Variants in ZNF407 observed in about 807,000 individuals in gnomAD.
The protein encoded by ZNF407 is zinc finger protein 407.
A neutral mutation model predicts 131.2 loss-of-function variants in ZNF407; 17 were observed. The observed-to-expected ratio is 0.13, with a 90% CI of 0.09 to 0.19. ZNF407 has a LOEUF of 0.19. ZNF407 is among the 10% of genes least tolerant of loss of function. The pLI, the probability that ZNF407 is intolerant of heterozygous loss-of-function variation, is 1.00. For missense variants in ZNF407, 2,681 were observed against 2,830.6 expected (o/e 0.95, Z 1.20); for synonymous variants, 1,156 against 1,062.0 (o/e 1.09, Z -1.72).
At chr18:75,038,415 C>T (rs1216550664) in intron 8 of ZNF407, among the ~76,000 whole-genome samples, 3 of 152,192 alleles carry the variant, frequency 2.0e-5, no homozygotes, top group African/African-American at 7.2e-5. Context: ...CTACCTTGTA[C>T]TCCTTTGTTT....
At chr18:75,031,448 T>G (rs562256776) in intron 8 of ZNF407, among the ~76,000 whole-genome samples, 1 of 152,294 alleles carries the variant, frequency 6.6e-6, no homozygotes, top group East Asian at 1.9e-4. Flanking sequence ...TTGATAGTCT[T>G]TAGAGTGTGA....
intron 3 of ZNF407, among the ~76,000 whole-genome samples, chr18:74,666,508 C>T (rs577541816): frequency 6.6e-6 from 1 of 152,184 alleles, no homozygotes; most frequent in Non-Finnish European, 1.5e-5. Flanking sequence ...CTGTATCCTC[C>T]CGCTCTGCTT....
At chr18:74,838,504 A>G (rs747056390) in intron 4 of ZNF407, among the ~76,000 whole-genome samples, 2 of 151,860 alleles carry the variant, frequency 1.3e-5, no homozygotes, top group Non-Finnish European at 2.9e-5. Context: ...CTCTTTTCAT[A>G]TCTACATTCT....
At chr18:74,835,424 G>T (rs1404957899) in intron 4 of ZNF407, among the ~76,000 whole-genome samples, 1 of 152,124 alleles carries the variant, frequency 6.6e-6, no homozygotes, top group East Asian at 1.9e-4. Context: ...CGCCTCTGAG[G>T]GTGTGCAGTT....
chr18:74,783,898 C>T (rs1599150533), intron 4 of ZNF407, among the ~76,000 whole-genome samples: 2 of 152,220 alleles, frequency 1.3e-5, no homozygotes, highest in African/African-American at 4.8e-5. Flanking sequence ...TTATATGGCA[C>T]TCTCTCCTGT....
At chr18:74,881,165 C>T in intron 6 of ZNF407, 46 bp downstream of exon 6, 1 of 1,478,172 alleles carries the variant, frequency 6.8e-7, no homozygotes, top group Non-Finnish European at 9.2e-7. Context: ...GAGAGGACGG[C>T]AAGACACCCC....
intron 4 of ZNF407, among the ~76,000 whole-genome samples, chr18:74,813,136 A>C (rs549039973): frequency 1.8e-3 from 269 of 152,298 alleles, no homozygotes; most frequent in African/African-American, 6.3e-3. Flanking sequence ...TAGGCAGAAA[A>C]GGGAGGAGTG....
intron 8 of ZNF407, among the ~76,000 whole-genome samples, chr18:75,028,913 A>G (rs923644350): frequency 6.6e-6 from 1 of 152,194 alleles, no homozygotes. Flanking sequence ...CATCTCTTAC[A>G]TTAGACTTCA....
intron 3 of ZNF407, among the ~76,000 whole-genome samples, chr18:74,651,280 A>G (rs1985215105): frequency 6.6e-6 from 1 of 152,206 alleles, no homozygotes; most frequent in South Asian, 2.1e-4. Flanking sequence ...AGAATCTTGC[A>G]CTTTGGGAAG....
rs147669431 is a variant in ZNF407, at chr18:74,874,579, C to T, written c.4878-2618C>T. ...CTGTCAGCACCTTTGCCTCTAGCTC[C>T]GGGACTGTGCATCTCCCGTCTCTGA... On this transcript the variant is annotated intron_variant, in intron 4 of 8. Coordinates refer to ENST00000299687, the MANE Select transcript of ZNF407 (RefSeq NM_017757.3). Among the ~76,000 whole-genome samples, 417 of 152,204 alleles carry T rather than the reference C, an allele frequency of 2.7e-3. 2 individuals carry two copies. Among genetic ancestry groups the T allele is most frequent in the Non-Finnish European group, 4.1e-3 (278 of 68,018 alleles).
At chr18:74,826,435 C>CGT (rs1970411070) in intron 4 of ZNF407, among the ~76,000 whole-genome samples, 1 of 152,082 alleles carries the variant, frequency 6.6e-6, no homozygotes, top group African/African-American at 2.4e-5. Flanking sequence ...GCTCAAGAGC[C>CGT]GTGTGTGTGG....
chr18:74,605,545 AT>A (rs1982766807), intron 1 of ZNF407, among the ~76,000 whole-genome samples: 1 of 152,240 alleles, frequency 6.6e-6, no homozygotes, highest in African/African-American at 2.4e-5. Context: ...TTTGAAAAAA[AT>A]AAAAAATTAA....
intron 3 of ZNF407, among the ~76,000 whole-genome samples, chr18:74,765,503 G>A (rs967116579): frequency 6.6e-6 from 1 of 152,166 alleles, no homozygotes; most frequent in Non-Finnish European, 1.5e-5. Context: ...AGGATTAGTT[G>A]TCTCTACTTC....
At chr18:74,712,048 T>C (rs1356833334) in intron 3 of ZNF407, among the ~76,000 whole-genome samples, 3 of 152,204 alleles carry the variant, frequency 2.0e-5, no homozygotes, top group Non-Finnish European at 4.4e-5. Context: ...TTTATCACTT[T>C]GTATTTATTT....
chr18:74,611,084 T>C (rs952087082), intron 1 of ZNF407, among the ~76,000 whole-genome samples: 3 of 152,190 alleles, frequency 2.0e-5, no homozygotes, highest in African/African-American at 7.2e-5. Flanking sequence ...ACAGGAAACT[T>C]CCTGAGGGTG....
intron 3 of ZNF407, among the ~76,000 whole-genome samples, chr18:74,774,308 C>T (rs535992197): frequency 2.0e-5 from 3 of 152,190 alleles, no homozygotes; most frequent in Non-Finnish European, 2.9e-5. Flanking sequence ...TCAGAATAAT[C>T]GAGTTAGGCA....
chr18:74,893,827 T>C (rs1009108223), intron 7 of ZNF407, among the ~76,000 whole-genome samples: 3 of 152,130 alleles, frequency 2.0e-5, no homozygotes. Flanking sequence ...ATATTTAACT[T>C]CTAGTTTTAT....
Position 74,877,302 on chromosome 18 carries a change from C to G in ZNF407, c.4983C>G (p.Pro1661=). ...AAAAGCCGTTTAAATGTACCTGGCC[C>G]ACGTGCCATTACTCATTCCTCACAG... ...TGEKPFKCTW[P]TCHYSFLTAS... is the part of the protein sequence containing the mutation. Residue 1661 remains proline, a synonymous_variant, in exon 5 of 9, where the codon CCC becomes CCG. Transcript: ENST00000299687. 6.2e-7 allele frequency: 1 copy of G among 1,613,926 alleles called. No homozygotes were observed. Among genetic ancestry groups the G allele is most frequent in the Non-Finnish European group, 8.5e-7 (1 of 1,179,892 alleles).
At chr18:74,701,887 A>G (rs1302939181) in intron 3 of ZNF407, among the ~76,000 whole-genome samples, 1 of 152,206 alleles carries the variant, frequency 6.6e-6, no homozygotes, top group Non-Finnish European at 1.5e-5. Flanking sequence ...GCCCTTATAA[A>G]TAAATAAAAT....
Sources: gnomAD v4.1 joint callset for allele counts (sites outside exome capture counted in the v4.1 genomes callset) on GRCh38, gnomAD v4.1.1 for gene constraint, MANE v1.5 for transcripts, NCBI Gene and HGNC (gene_info 2026-07-23, HGNC 2026-07-21) for gene names.